The following PPM1H variants were observed in gnomAD, a reference collection of about 807,000 sequenced individuals.
The protein encoded by PPM1H is protein phosphatase 1H.
In PPM1H, 27 loss-of-function variants were observed where a neutral mutation model predicts 54.9. The ratio of observed to expected loss-of-function variants is 0.49; its 90% CI spans 0.36 to 0.68. The LOEUF (loss-of-function observed/expected upper bound fraction) is 0.68, where lower values mean the gene tolerates loss of function less well. Ranked by LOEUF, PPM1H falls within the 30% of genes least tolerant of loss-of-function variation. The pLI is 0.00. For synonymous variants in PPM1H, 305 were observed against 270.8 expected (o/e 1.13, Z -1.24); for missense variants, 596 against 667.8 (o/e 0.89, Z 1.19).
At chr12:62,669,868 T>C (rs931905075) in intron 8 of PPM1H, among the ~76,000 whole-genome samples, 1 of 151,306 alleles carries the variant, frequency 6.6e-6, no homozygotes, top group African/African-American at 2.4e-5. Context: ...GAACCCAGGA[T>C]TTTGAGGCTG....
At chr12:62,869,988 C>A (rs529217080) in intron 1 of PPM1H, among the ~76,000 whole-genome samples, 54 of 152,238 alleles carry the variant, frequency 3.5e-4, no homozygotes, top group African/African-American at 1.3e-3. Flanking sequence ...TTTAGATGCT[C>A]CCAGTACCCA....
intron 4 of PPM1H, among the ~76,000 whole-genome samples, chr12:62,764,534 C>A (rs1016025177): frequency 5.3e-5 from 8 of 152,192 alleles, no homozygotes; most frequent in African/African-American, 1.9e-4. Flanking sequence ...GTAACAGGAA[C>A]CCCAGGAACA....
intron 5 of PPM1H, among the ~76,000 whole-genome samples, chr12:62,726,815 C>T (rs1246863990): frequency 6.6e-6 from 1 of 152,158 alleles, no homozygotes; most frequent in African/African-American, 2.4e-5. Flanking sequence ...ATTCTGGAGT[C>T]CTGAGTCTTC....
chr12:62,800,956 CA>C (rs953725752), intron 3 of PPM1H, among the ~76,000 whole-genome samples: 1 of 152,224 alleles, frequency 6.6e-6, no homozygotes, highest in African/African-American at 2.4e-5. Flanking sequence ...CGATCAGACC[CA>C]TTCAGATGGA....
At chr12:62,877,390 A>G (rs699568) in intron 1 of PPM1H, among the ~76,000 whole-genome samples, 100,237 of 152,048 alleles carry the variant, frequency 0.66, 34,331 homozygotes, top group African/African-American at 0.85. Flanking sequence ...CCTCACCTAC[A>G]GAGCAGTCAG....
intron 4 of PPM1H, among the ~76,000 whole-genome samples, chr12:62,760,330 T>A (rs763161132): frequency 3.3e-5 from 5 of 152,126 alleles, no homozygotes; most frequent in Non-Finnish European, 5.9e-5. Context: ...ACCTGTCCCT[T>A]CAGTCCCAAC....
At position 62,802,118 on chromosome 12, in the gene PPM1H, C is replaced by G; in HGVS notation, c.454G>C (p.Gly152Arg). ...ACCGCGGCCCCGGACCCCGCGTGCC[C>G]GTCAAACAGCGACCAATAGTGGCAG... ...VSCHYWSLFD[G>R]HAGSGAAVVA... is the part of the protein sequence containing the mutation. The change falls in exon 3 of 10, where the codon GGG becomes CGG. Residue 152 changes from glycine (G) to arginine (R), a missense_variant. Gly to Arg is a moderately radical substitution (Grantham distance 125). Around this residue, in one of 3 missense-constraint regions of PPM1H, gnomAD observed 382 missense variants for 387.1 expected, o/e 0.99. Coordinates refer to ENST00000228705, the MANE Select transcript of PPM1H (RefSeq NM_020700.2). 6.3e-7 allele frequency: 1 copy of G among 1,590,324 alleles called. No individual in the cohort carries two copies. Among genetic ancestry groups the G allele is most frequent in the Non-Finnish European group, 8.6e-7 (1 of 1,167,232 alleles).
At chr12:62,701,665 C>T (rs1015101301) in intron 6 of PPM1H, among the ~76,000 whole-genome samples, 1 of 151,388 alleles carries the variant, frequency 6.6e-6, no homozygotes, top group African/African-American at 2.4e-5. Context: ...GTAACAATGG[C>T]TTTCTTGTTT....
intron 4 of PPM1H, among the ~76,000 whole-genome samples, chr12:62,770,577 G>A (rs2076573015): frequency 6.6e-6 from 1 of 151,668 alleles, no homozygotes; most frequent in Non-Finnish European, 1.5e-5. Flanking sequence ...TATTAACATT[G>A]AGAAATTGGT....
chr12:62,796,755 G>A (rs541175942), intron 3 of PPM1H, among the ~76,000 whole-genome samples: 1 of 152,184 alleles, frequency 6.6e-6, no homozygotes, highest in African/African-American at 2.4e-5. Flanking sequence ...TTGAGGATGC[G>A]TGCACCCGTG....
intron 1 of PPM1H, among the ~76,000 whole-genome samples, chr12:62,930,466 A>G (rs75698550): frequency 0.014 from 2,154 of 152,340 alleles, 49 homozygotes; most frequent in African/African-American, 0.049. Context: ...AACATACACA[A>G]TATTGTTGCT....
In PPM1H at chr12:62,737,943, C is replaced by T. The variant is rs1034953238; in HGVS notation, c.870-357G>A. ...GAGTCTTGCTCTAGCCCAGGGTTAT[C>T]GAATAGCACCTTTTGTGATCATGGT... On this transcript the variant is annotated intron_variant, in intron 4 of 9. Coordinates refer to ENST00000228705, the MANE Select transcript of PPM1H (RefSeq NM_020700.2). Among the ~76,000 whole-genome samples, 4 of 152,102 alleles carry T rather than the reference C, an allele frequency of 2.6e-5. No individual in the cohort carries two copies. In the East Asian group the frequency reaches 5.8e-4, roughly 22 times the overall value.
chr12:62,832,243 G>A lies in PPM1H; in HGVS notation c.282C>T (p.Asp94=). 6.2e-7 allele frequency: 1 copy of A among 1,613,318 alleles called. No homozygotes were observed. The highest frequency in any genetic ancestry group is 8.5e-7 in the Non-Finnish European group (1 of 1,179,640). ...INAGKSTHNE[D]QASCEVLTVK... Reference sequence around the variant, plus strand: ...CAGTGAGCACCTCACAGCTGGCTTGGTCTTCATTGTGTGTGCTCTTCCCGG... The same window carrying A: ...CAGTGAGCACCTCACAGCTGGCTTGATCTTCATTGTGTGTGCTCTTCCCGG... Residue 94 remains aspartate (D), a synonymous_variant, in exon 2 of 10, where the codon GAC becomes GAT. Transcript: ENST00000228705.
At chr12:62,653,639 AAGTGC>A (rs2075827518) in intron 9 of PPM1H, among the ~76,000 whole-genome samples, 1 of 152,200 alleles carries the variant, frequency 6.6e-6, no homozygotes, top group Non-Finnish European at 1.5e-5. Context: ...GAAGAAGAAT[AAGTGC>A]TTCTTCAGAA....
chr12:62,659,715 C>A lies in PPM1H; in HGVS notation c.1397+7463G>T, dbSNP rs374865456. On this transcript the variant is annotated intron_variant, in intron 9 of 9. Transcript: ENST00000228705. The stretch of plus-strand genomic sequence containing the variant: ...TGCCTGTCTCAGGCCTCATTCCCTG[C>A]CTCTTTTTGTCCTGCTTCCTTTCTA... Among the ~76,000 whole-genome samples, 9 of 152,336 alleles carry A rather than the reference C, an allele frequency of 5.9e-5. No homozygotes were observed. The South Asian group carries it at 1.9e-3, about 32-fold the overall frequency.
intron 1 of PPM1H, among the ~76,000 whole-genome samples, chr12:62,887,607 C>T (rs1870637580): frequency 6.6e-6 from 1 of 152,174 alleles, no homozygotes; most frequent in African/African-American, 2.4e-5. Context: ...GGACCCTGCT[C>T]TCATGGTGCT....
chr12:62,908,793 A>G (rs544771572), intron 1 of PPM1H, among the ~76,000 whole-genome samples: 2 of 152,358 alleles, frequency 1.3e-5, no homozygotes, highest in African/African-American at 2.4e-5. Context: ...ATTACAAATT[A>G]CTATGGACCA....
At chr12:62,694,526 G>T (rs938845635) in intron 6 of PPM1H, among the ~76,000 whole-genome samples, 1 of 152,152 alleles carries the variant, frequency 6.6e-6, no homozygotes, top group Non-Finnish European at 1.5e-5. Flanking sequence ...CTTTTAAATA[G>T]CCACTCAATA....
chr12:62,927,769 T>C (rs181531761), intron 1 of PPM1H, among the ~76,000 whole-genome samples: 1 of 152,136 alleles, frequency 6.6e-6, no homozygotes, highest in East Asian at 1.9e-4. Context: ...CATGTAAACA[T>C]ATGATCAGCT....
Sources: gnomAD v4.1 joint callset for allele counts (sites outside exome capture counted in the v4.1 genomes callset) on GRCh38, gnomAD v4.1.1 for gene constraint, gnomAD v4.1.1 regional missense constraint, MANE v1.5 for transcripts, NCBI Gene and HGNC (gene_info 2026-07-23, HGNC 2026-07-21) for gene names.